BMP7: variants seen among roughly 807,000 people sequenced by gnomAD.
BMP7 encodes the protein osteogenic protein 1.
Under a neutral mutation model 41.2 loss-of-function variants are expected in BMP7, and 12 were observed. The ratio of observed to expected loss-of-function variants is 0.29; its 90% CI spans 0.19 to 0.47. The LOEUF (loss-of-function observed/expected upper bound fraction) is 0.47, where lower values mean the gene tolerates loss of function less well. Among genes scored for constraint, BMP7 ranks in the 20% least tolerant of loss-of-function variants. BMP7 has a pLI of 0.99. For synonymous variants in BMP7, 248 were observed against 250.0 expected (o/e 0.99, Z 0.07); for missense variants, 467 against 606.0 (o/e 0.77, Z 2.41).
Position 57,170,571 on chromosome 20 carries a change from GT to G in BMP7, c.*387del. The G allele has an allele frequency of 6.3e-6, 2 of 319,152 alleles. No homozygotes were observed. Among genetic ancestry groups the G allele is most frequent in the South Asian group, 5.7e-5 (2 of 35,074 alleles). 19.8% of individuals were successfully genotyped at this position (319,152 alleles called of 1,614,324 possible). ...ATTTTCCTTTCGCACAGACACCAATGTGCCCACCCCTTGCCACGCCCCCTTC... is the reference window on the plus strand; with the variant it reads ...ATTTTCCTTTCGCACAGACACCAATGGCCCACCCCTTGCCACGCCCCCTTC... On this transcript the variant is annotated 3_prime_UTR_variant, in exon 7 of 7. Transcript: ENST00000395863.
Position 57,191,550 on chromosome 20 carries a change from G to A in BMP7, c.761-7631C>T, listed in dbSNP as rs187586344. On this transcript the variant is annotated intron_variant, in intron 3 of 6. Coordinates refer to ENST00000395863, the MANE Select transcript of BMP7 (RefSeq NM_001719.3). ...CCGTGTTGTAGAGACTAAAAACCCC[G>A]TGTTAGTAGAGACTAAAAACACAAA... is the stretch of plus-strand genomic sequence containing the variant. Among the ~76,000 whole-genome samples the A allele has an allele frequency of 2.8e-3, 431 of 151,896 alleles. 1 individual carries two copies. Among genetic ancestry groups the A allele is most frequent in the Non-Finnish European group, 4.7e-3 (321 of 67,988 alleles).
At chr20:57,209,511 G>C (rs6070029) in intron 2 of BMP7, among the ~76,000 whole-genome samples, 63,051 of 151,714 alleles carry the variant, frequency 0.42, 14,695 homozygotes, top group South Asian at 0.56. Context: ...GGGAAAATGG[G>C]GGTAACTGTT....
At chr20:57,249,925 G>A (rs2066105448) in intron 1 of BMP7, among the ~76,000 whole-genome samples, 1 of 152,120 alleles carries the variant, frequency 6.6e-6, no homozygotes, top group Non-Finnish European at 1.5e-5. Context: ...CCACCCACCA[G>A]AGAGGGAAAC....
intron 1 of BMP7, among the ~76,000 whole-genome samples, chr20:57,252,230 C>T (rs1246602210): frequency 6.6e-6 from 1 of 152,144 alleles, no homozygotes; most frequent in Non-Finnish European, 1.5e-5. Context: ...TGATTCTTCT[C>T]GAGTATTTAT....
At position 57,214,094 on chromosome 20, in the gene BMP7, T is replaced by C. The variant is rs1984956666; in HGVS notation, c.612-11471A>G. On this transcript the variant is annotated intron_variant, in intron 2 of 6. Transcript: ENST00000395863. This position sits in a 1 kb window ranked among gnomAD's most constrained non-coding sequence, Gnocchi z 4.0. ...AGAACAAGGTGCGGAGCGAGCCCTCTGAACCGTATGGTACCTGAGAGGCGA... is the reference window on the plus strand; with the variant it reads ...AGAACAAGGTGCGGAGCGAGCCCTCCGAACCGTATGGTACCTGAGAGGCGA... Among the ~76,000 whole-genome samples the C allele has an allele frequency of 6.6e-6, 1 of 152,198 alleles. No individual in the cohort carries two copies. Among genetic ancestry groups the C allele is most frequent in the African/African-American group, 2.4e-5 (1 of 41,446 alleles).
intron 1 of BMP7, among the ~76,000 whole-genome samples, chr20:57,262,201 A>G (rs571235250): frequency 1.1e-4 from 16 of 152,214 alleles, no homozygotes; most frequent in Non-Finnish European, 2.4e-4. Context: ...GGCTAGATGC[A>G]GTGTGCGGAG....
chr20:57,182,224 G>A (rs537468423), intron 4 of BMP7, among the ~76,000 whole-genome samples: 2 of 152,308 alleles, frequency 1.3e-5, no homozygotes, highest in African/African-American at 4.8e-5. Flanking sequence ...CATGTGCAGG[G>A]GGCATGAGCC....
intron 1 of BMP7, among the ~76,000 whole-genome samples, chr20:57,232,427 T>A (rs1482462023): frequency 2.0e-5 from 3 of 151,034 alleles, no homozygotes; most frequent in East Asian, 3.9e-4. Context: ...AAAAAAAAAG[T>A]GCAATAGACC....
intron 4 of BMP7, among the ~76,000 whole-genome samples, chr20:57,179,691 C>T (rs2123063011): frequency 6.6e-6 from 1 of 152,354 alleles, no homozygotes; most frequent in South Asian, 2.1e-4. Flanking sequence ...TTCAAAGGGG[C>T]AGGCACACAG....
At chr20:57,187,749 C>T (rs940005104) in intron 3 of BMP7, among the ~76,000 whole-genome samples, 1 of 152,176 alleles carries the variant, frequency 6.6e-6, no homozygotes, top group Non-Finnish European at 1.5e-5. Context: ...CTGAAGCCCG[C>T]ATTCTCACCC....
chr20:57,266,207 CCGCT>C lies in BMP7; in HGVS notation c.-89_-86del. 7.5e-7 allele frequency: 1 copy of C among 1,335,232 alleles called. No individual in the cohort carries two copies. The highest frequency in any genetic ancestry group is 9.6e-7 in the Non-Finnish European group (1 of 1,037,812). The allele number at this position is 1,335,232 out of a possible 1,614,324, so 82.7% of individuals were successfully genotyped here. A position where few individuals can be genotyped will look rare whatever the true frequency, so the allele number is the denominator to read the frequency against. On this transcript the variant is annotated 5_prime_UTR_variant, in exon 1 of 7. Transcript: ENST00000395863. ...CAGAGGGGGCAGGCGGCCGTCCGCG[CCGCT>C]CGGTCACTTGCTGCAGACGGGCCCC... is the stretch of plus-strand genomic sequence containing the variant.
intron 3 of BMP7, among the ~76,000 whole-genome samples, chr20:57,201,980 C>T (rs1004855204): frequency 3.9e-5 from 6 of 152,180 alleles, no homozygotes; most frequent in African/African-American, 1.4e-4. Context: ...GCAATTTTGT[C>T]CCACAGGGCA....
At chr20:57,184,547 C>A (rs1038107751) in intron 3 of BMP7, among the ~76,000 whole-genome samples, 1 of 152,096 alleles carries the variant, frequency 6.6e-6, no homozygotes, top group African/African-American at 2.4e-5. Context: ...AGGTCGGGTC[C>A]TATGGGCAAC....
chr20:57,223,461 T>C (rs1319796733), intron 2 of BMP7, among the ~76,000 whole-genome samples: 1 of 152,162 alleles, frequency 6.6e-6, no homozygotes, highest in African/African-American at 2.4e-5. Flanking sequence ...GACTCATCAA[T>C]GGACCCATCT....
At chr20:57,207,146 A>T (rs1984749843) in intron 2 of BMP7, among the ~76,000 whole-genome samples, 1 of 152,228 alleles carries the variant, frequency 6.6e-6, no homozygotes, top group South Asian at 2.1e-4. Flanking sequence ...CAGGCTCAGG[A>T]CTAGGACTCA....
intron 2 of BMP7, among the ~76,000 whole-genome samples, chr20:57,207,870 T>C (rs74450604): frequency 1.5e-5 from 2 of 136,834 alleles, no homozygotes; most frequent in African/African-American, 5.6e-5. Flanking sequence ...TCGCCCAGGC[T>C]GGACTGCGGA....
rs138140607 is a variant in BMP7, at chr20:57,202,618, G to A, written c.617C>T (p.Ser206Leu). ...QVLQEHLGRE[S>L]DLFLLDSRTL... ...ACGGCTGTCGAGCAGGAAGAGATCC[G>A]ATTCCCTGCGAGAGAGGAGGAGAGA... Residue 206 changes from serine to leucine, a missense_variant, in exon 3 of 7, where the codon TCG becomes TTG. Physicochemically the swap from Ser to Leu is moderately radical, Grantham distance 145 (BLOSUM62 -2). Around this residue, in one of 2 missense-constraint regions of BMP7, gnomAD observed 407 missense variants for 485.9 expected, o/e 0.84. Coordinates refer to ENST00000395863, the MANE Select transcript of BMP7 (RefSeq NM_001719.3). 3.7e-6 allele frequency: 6 copies of A among 1,609,002 alleles called. No homozygotes were observed. The highest frequency in any genetic ancestry group is 1.3e-5 in the African/African-American group (1 of 74,884).
At chr20:57,222,328 C>T (rs1985208134) in intron 2 of BMP7, among the ~76,000 whole-genome samples, 1 of 152,222 alleles carries the variant, frequency 6.6e-6, no homozygotes, top group African/African-American at 2.4e-5. Context: ...CAGATGGCCT[C>T]AGGCCACAGG....
In BMP7 at chr20:57,228,295, C is replaced by T. The variant is rs1365588928; in HGVS notation, c.545G>A (p.Arg182Gln). 5.0e-6 allele frequency: 8 copies of T among 1,614,000 alleles called. No homozygotes were observed. Among genetic ancestry groups the T allele is most frequent in the East Asian group, 2.2e-5 (1 of 44,896 alleles). Residue 182 changes from arginine to glutamine, a missense_variant, in exon 2 of 7, where the codon CGG becomes CAG. Physicochemically the swap from Arg to Gln is conservative, Grantham distance 43. Coordinates refer to ENST00000395863, the MANE Select transcript of BMP7 (RefSeq NM_001719.3). This position sits in a 1 kb window ranked among gnomAD's most constrained non-coding sequence, Gnocchi z 4.5. Reference protein sequence around the residue: ...AEFRIYKDYIRERFDNETFRI... With the variant: ...AEFRIYKDYIQERFDNETFRI... ...GAACGTCTCATTGTCGAAGCGTTCC[C>T]GGATGTAGTCCTTGTAGATCCGGAA...
Sources: gnomAD v4.1 joint callset for allele counts (sites outside exome capture counted in the v4.1 genomes callset) on GRCh38, gnomAD v4.1.1 for gene constraint, gnomAD v4.1.1 regional missense constraint, Gnocchi (gnomAD v3.1) non-coding constraint, MANE v1.5 for transcripts, NCBI Gene and HGNC (gene_info 2026-07-23, HGNC 2026-07-21) for gene names.